Variants in ROCK2 observed in about 807,000 individuals in gnomAD.
ROCK2 encodes rho-associated protein kinase 2.
In ROCK2, 61 loss-of-function variants were observed where a neutral mutation model predicts 195.1. The ratio of observed to expected loss-of-function variants is 0.31; its 90% CI spans 0.25 to 0.39. The LOEUF (loss-of-function observed/expected upper bound fraction) is 0.39. ROCK2 is among the 10% of genes least tolerant of loss of function. The pLI, the probability that ROCK2 is intolerant of heterozygous loss-of-function variation, is 1.00. For synonymous variants in ROCK2, 504 were observed against 545.5 expected, an observed-to-expected ratio of 0.92 and a Z score of 1.06; for missense variants, 1,109 against 1,637.4, an observed-to-expected ratio of 0.68 and a Z score of 5.57.
At chr2:11,305,516 A>T (rs1045053562) in intron 1 of ROCK2, among the ~76,000 whole-genome samples, 1 of 152,064 alleles carries the variant, frequency 6.6e-6, no homozygotes, top group Admixed American at 6.5e-5. Flanking sequence ...GTGACCACTG[A>T]AAGGGCCTGG....
chr2:11,221,171 A>G lies in ROCK2; in HGVS notation c.1259+27T>C, dbSNP rs540891121. ...TTATAGCTAGATTCTAAAAACAGTA[A>G]AATTTAACAAATAATAAACCACATA... On this transcript the variant is annotated intron_variant, in intron 9 of 32. Transcript: ENST00000315872. 2.0e-6 allele frequency: 3 copies of G among 1,482,940 alleles called. No individual in the cohort carries two copies. In the African/African-American group the frequency reaches 4.3e-5, roughly 21 times the overall value. 91.9% of individuals were successfully genotyped at this position (1,482,940 alleles called of 1,614,324 possible).
At chr2:11,343,004 G>A (rs556364013) in intron 1 of ROCK2, among the ~76,000 whole-genome samples, 43 of 152,258 alleles carry the variant, frequency 2.8e-4, no homozygotes, top group African/African-American at 1.0e-3. Flanking sequence ...ATTCCAGGAG[G>A]GAATAGAACT....
At chr2:11,289,466 A>G (rs894395603) in intron 1 of ROCK2, among the ~76,000 whole-genome samples, 3 of 152,216 alleles carry the variant, frequency 2.0e-5, no homozygotes, top group Non-Finnish European at 4.4e-5. Flanking sequence ...ACAATTTCAA[A>G]TCAAAGAAAA....
chr2:11,326,633 G>C (rs1000394355), intron 1 of ROCK2, among the ~76,000 whole-genome samples: 3 of 152,144 alleles, frequency 2.0e-5, no homozygotes, highest in African/African-American at 7.2e-5. Flanking sequence ...TTATGTCTAG[G>C]GGTATTTTGG....
rs957715974 is a variant in ROCK2, at chr2:11,256,951, G to T, written c.325-7153C>A. Among the ~76,000 whole-genome samples, 30 of 151,190 alleles carry T rather than the reference G, an allele frequency of 2.0e-4. 1 individual carries two copies. Among genetic ancestry groups the T allele is most frequent in the African/African-American group, 6.9e-4 (28 of 40,542 alleles). The stretch of plus-strand genomic sequence containing the variant: ...TTGAATTACGCTCCAAGGTCACCCC[G>T]ACCAAAATTTTTAATGCAGGGATAG... On this transcript the variant is annotated intron_variant, in intron 3 of 32. Transcript: ENST00000315872.
At chr2:11,226,807 G>A (rs1006801487) in intron 6 of ROCK2, among the ~76,000 whole-genome samples, 7 of 150,950 alleles carry the variant, frequency 4.6e-5, no homozygotes, top group African/African-American at 1.7e-4. Context: ...AGCTACTCGG[G>A]AGGCAAAATG....
chr2:11,207,461 T>C (rs1664093798), intron 20 of ROCK2, among the ~76,000 whole-genome samples: 1 of 152,202 alleles, frequency 6.6e-6, no homozygotes, highest in African/African-American at 2.4e-5. Context: ...AAGCATGGTA[T>C]GAAAATCCCA....
chr2:11,254,056 A>G (rs1665928645), intron 3 of ROCK2, among the ~76,000 whole-genome samples: 1 of 152,226 alleles, frequency 6.6e-6, no homozygotes, highest in South Asian at 2.1e-4. Context: ...GTTTGAACAA[A>G]TCACTAATGG....
chr2:11,187,006 G>A lies in ROCK2; in HGVS notation c.4164-3566C>T, dbSNP rs114590843. Among the ~76,000 whole-genome samples, 1,493 of 152,206 alleles carry A rather than the reference G, an allele frequency of 9.8e-3. 9 individuals are homozygous for A. The highest frequency in any genetic ancestry group is 0.024 in the Middle Eastern group (7 of 294). ...CACCATTAACAGGGATATAGTTCAGGCCTGCGAAACTTATTGTCAAAGATG... is the reference window on the plus strand; with the variant it reads ...CACCATTAACAGGGATATAGTTCAGACCTGCGAAACTTATTGTCAAAGATG... On this transcript the variant is annotated intron_variant, in intron 32 of 32. Coordinates refer to ENST00000315872, the MANE Select transcript of ROCK2 (RefSeq NM_004850.5).
chr2:11,307,903 C>T (rs1367006510), intron 1 of ROCK2: 40 of 1,228,512 alleles, frequency 3.3e-5, no homozygotes, highest in Middle Eastern at 2.9e-4. Flanking sequence ...CGGTGGGTGG[C>T]GGTGGTGGCC....
intron 5 of ROCK2, among the ~76,000 whole-genome samples, chr2:11,230,319 GA>G (rs948987052): frequency 2.4e-4 from 36 of 152,104 alleles, no homozygotes; most frequent in African/African-American, 8.4e-4. Flanking sequence ...CCAAAAGGGG[GA>G]TATGTGGAAA....
rs1321394681 is a variant in ROCK2, at chr2:11,201,601, T to C, written c.2620-188A>G. On this transcript the variant is annotated intron_variant, in intron 21 of 32. Transcript: ENST00000315872. This position sits in a 1 kb window ranked among gnomAD's most constrained non-coding sequence, Gnocchi z 4.6. ...ATCAATTAACTAATACAAGTTCAGG[T>C]AATAATTAAGAAGCATGATTTTCAA... Among the ~76,000 whole-genome samples the C allele has an allele frequency of 1.3e-5, 2 of 152,192 alleles. No homozygotes were observed. The highest frequency in any genetic ancestry group is 4.8e-5 in the African/African-American group (2 of 41,446).
intron 1 of ROCK2, among the ~76,000 whole-genome samples, chr2:11,293,883 G>T (rs1363169593): frequency 1.3e-5 from 2 of 152,132 alleles, no homozygotes; most frequent in Non-Finnish European, 2.9e-5. Flanking sequence ...TACGGGCCAG[G>T]CGCGGTGGCT....
chr2:11,281,263 C>T (rs1450313995), intron 3 of ROCK2, among the ~76,000 whole-genome samples: 3 of 141,180 alleles, frequency 2.1e-5, no homozygotes, highest in Non-Finnish European at 4.6e-5. Context: ...GGAACTTCAA[C>T]TTGAATATCT....
intron 1 of ROCK2, among the ~76,000 whole-genome samples, chr2:11,341,437 T>A (rs1289797369): frequency 6.6e-6 from 1 of 152,236 alleles, no homozygotes; most frequent in African/African-American, 2.4e-5. Context: ...TGAACTAAAT[T>A]TAATGAGCAC....
intron 4 of ROCK2, among the ~76,000 whole-genome samples, chr2:11,238,980 A>AT (rs1665327176): frequency 1.3e-5 from 2 of 151,832 alleles, no homozygotes; most frequent in South Asian, 2.1e-4. Flanking sequence ...GGAAAAAATA[A>AT]TTAAAAAAAA....
At chr2:11,337,804 T>A (rs1252660537) in intron 1 of ROCK2, among the ~76,000 whole-genome samples, 1 of 151,936 alleles carries the variant, frequency 6.6e-6, no homozygotes, top group Admixed American at 6.6e-5. Context: ...TGGCTAATTT[T>A]TTTTTTCTTT....
intron 3 of ROCK2, among the ~76,000 whole-genome samples, chr2:11,280,737 GACTT>G (rs752227627): frequency 2.9e-4 from 44 of 152,182 alleles, no homozygotes; most frequent in Non-Finnish European, 4.1e-4. Flanking sequence ...AGAAGAAACA[GACTT>G]ACTGTTATTA....
intron 3 of ROCK2, among the ~76,000 whole-genome samples, chr2:11,264,156 G>A (rs965556734): frequency 1.3e-5 from 2 of 152,088 alleles, no homozygotes; most frequent in African/African-American, 4.8e-5. Context: ...ATTTATAGAT[G>A]TAATAAGCAG....
Sources: allele counts gnomAD v4.1 joint callset (sites outside exome capture counted in the v4.1 genomes callset), GRCh38; gene constraint gnomAD v4.1.1; non-coding constraint Gnocchi (gnomAD v3.1); transcripts MANE v1.5; gene names NCBI Gene and HGNC (gene_info 2026-07-23, HGNC 2026-07-21).